ICAM2: variants seen among roughly 807,000 people sequenced by gnomAD.
The protein encoded by ICAM2 is ICAM-2.
In ICAM2, 14 loss-of-function variants were observed where a neutral mutation model predicts 19.1. The ratio of observed to expected loss-of-function variants is 0.73; its 90% CI spans 0.48 to 1.15. The LOEUF (loss-of-function observed/expected upper bound fraction) is 1.15, where lower values mean the gene tolerates loss of function less well. ICAM2 is among the 50% of genes most tolerant of loss of function. The pLI is 0.00. For missense variants in ICAM2, 311 were observed against 355.4 expected (o/e 0.88, Z 1.00); for synonymous variants, 153 against 152.7 (o/e 1.00, Z -0.01).
chr17:64,010,229 G>C (rs1911395820), intron 1 of ICAM2, among the ~76,000 whole-genome samples: 1 of 152,178 alleles, frequency 6.6e-6, no homozygotes, highest in South Asian at 2.1e-4. Flanking sequence ...CACACCTGTT[G>C]GTCCTGTAAC....
intron 1 of ICAM2, among the ~76,000 whole-genome samples, chr17:64,011,866 C>G (rs528522589): frequency 6.6e-6 from 1 of 152,128 alleles, no homozygotes; most frequent in South Asian, 2.1e-4. Context: ...GGAGGCTCCT[C>G]AAAAAATTAA....
chr17:64,004,091 C>T, intron 3 of ICAM2, 127 bp from the exon 4 acceptor site: 1 of 687,398 alleles, frequency 1.5e-6, no homozygotes, highest in South Asian at 1.9e-5. Context: ...CTGGCCGGCT[C>T]CAGTGCAGAG....
intron 1 of ICAM2, among the ~76,000 whole-genome samples, chr17:64,010,268 G>A (rs546328068): frequency 1.3e-5 from 2 of 152,360 alleles, no homozygotes; most frequent in South Asian, 4.1e-4. Flanking sequence ...TGACCATGAT[G>A]TAGAAGAGAG....
At chr17:64,003,522 G>A (rs1390082213) in intron 4 of ICAM2, 122 bp downstream of exon 4, 3 of 860,932 alleles carry the variant, frequency 3.5e-6, no homozygotes, top group Non-Finnish European at 5.6e-6. Context: ...TAAGAGGGAA[G>A]CCTCAGGATG....
At chr17:64,010,926 T>C (rs1438291723) in intron 1 of ICAM2, among the ~76,000 whole-genome samples, 1 of 152,084 alleles carries the variant, frequency 6.6e-6, no homozygotes, top group East Asian at 1.9e-4. Context: ...TTTTAAGTTA[T>C]ATAAGGAATG....
Position 64,003,851 on chromosome 17 carries a change from A to T in ICAM2, c.442T>A (p.Phe148Ile), listed in dbSNP as rs1364008591. Residue 148 changes from phenylalanine to isoleucine, a missense_variant, in exon 4 of 5, where the codon TTC (phenylalanine) becomes ATC (isoleucine). By Grantham distance (21) the Phe-to-Ile change is conservative. Coordinates refer to ENST00000579788, the MANE Select transcript of ICAM2 (RefSeq NM_001099789.2). ...TVEPLDSLTL[F>I]LFRGNETLHY... Reference sequence around the variant, plus strand: ...AGAGTCTCATTGCCACGGAACAGGAAGAGGGTGAGGCTGTCCAGGGGCTCC... The same window carrying T: ...AGAGTCTCATTGCCACGGAACAGGATGAGGGTGAGGCTGTCCAGGGGCTCC... 1 of 1,614,232 alleles carries T rather than the reference A, an allele frequency of 6.2e-7. No homozygotes were observed. The highest frequency in any genetic ancestry group is 8.5e-7 in the Non-Finnish European group (1 of 1,180,050).
chr17:64,008,218 C>T (rs960280281), intron 1 of ICAM2, among the ~76,000 whole-genome samples: 2 of 152,192 alleles, frequency 1.3e-5, no homozygotes, highest in African/African-American at 2.4e-5. Context: ...GAGGCAGGGC[C>T]TGGGGCCAGC....
intron 1 of ICAM2, among the ~76,000 whole-genome samples, chr17:64,008,645 T>C (rs1911317359): frequency 2.0e-5 from 3 of 152,120 alleles, no homozygotes; most frequent in Admixed American, 2.0e-4. Context: ...TAGCCTGCCA[T>C]GGTGACTGTT....
chr17:64,020,041 G>C (rs541538361), intron 1 of ICAM2, among the ~76,000 whole-genome samples: 1 of 152,180 alleles, frequency 6.6e-6, no homozygotes, highest in East Asian at 1.9e-4. Context: ...GGCTTCATGG[G>C]AATGTGAGCC....
chr17:64,002,994 G>T, intron 4 of ICAM2, 69 bp from the exon 5 acceptor site: 1 of 1,481,330 alleles, frequency 6.8e-7, no homozygotes. Context: ...AAAGGGAGTG[G>T]AAGTCCACCC....
At chr17:64,014,846 C>T (rs975037196) in intron 1 of ICAM2, among the ~76,000 whole-genome samples, 6 of 151,972 alleles carry the variant, frequency 3.9e-5, no homozygotes, top group Non-Finnish European at 7.4e-5. Context: ...GAGGCCAAGG[C>T]GGAAGGATCA....
intron 1 of ICAM2, among the ~76,000 whole-genome samples, chr17:64,017,712 G>A (rs1911769464): frequency 6.6e-6 from 1 of 152,174 alleles, no homozygotes; most frequent in Non-Finnish European, 1.5e-5. Context: ...GTTAGCGTAG[G>A]TATAGGCAAA....
intron 1 of ICAM2, among the ~76,000 whole-genome samples, chr17:64,017,979 T>C (rs571355434): frequency 6.6e-6 from 1 of 152,272 alleles, no homozygotes; most frequent in Middle Eastern, 3.4e-3. Flanking sequence ...TAGGAGAGTA[T>C]TTCCATATCC....
chr17:64,014,376 A>AAAGAAAGAAAGGAAGGAAGGAAGG, intron 1 of ICAM2, among the ~76,000 whole-genome samples: 1 of 55,422 alleles, frequency 1.8e-5, no homozygotes, highest in African/African-American at 6.1e-5. Context: ...AGAAAGAAAG[A>AAAGAAAGAAAGGAAGGAAGGAAGG]AAGGAAGGAA....
Position 64,006,571 on chromosome 17 carries a change from G to A in ICAM2, c.61+60C>T, listed in dbSNP as rs577923034. On this transcript the variant is annotated intron_variant, in intron 2 of 4. Transcript: ENST00000579788. Reference sequence around the variant, plus strand: ...TTCCACCTGAAGCCACAGGGAACAGGGCACCCCCACCCTCTCGGCTGGCAT... The same window carrying A: ...TTCCACCTGAAGCCACAGGGAACAGAGCACCCCCACCCTCTCGGCTGGCAT... 2.8e-4 allele frequency: 418 copies of A among 1,482,392 alleles called. 3 individuals carry two copies. The highest frequency in any genetic ancestry group is 6.9e-4 in the Middle Eastern group (4 of 5,788). 91.8% of individuals were successfully genotyped at this position (1,482,392 alleles called of 1,614,324 possible).
chr17:64,018,649 C>G (rs971247040), intron 1 of ICAM2, among the ~76,000 whole-genome samples: 3 of 148,102 alleles, frequency 2.0e-5, no homozygotes, highest in African/African-American at 7.5e-5. Context: ...CAGTTCCATT[C>G]TTAGATGTAT....
intron 1 of ICAM2, among the ~76,000 whole-genome samples, chr17:64,010,726 T>C (rs78596709): frequency 0.011 from 1,729 of 151,922 alleles, 38 homozygotes; most frequent in African/African-American, 0.039. Flanking sequence ...GGCAAGAAAA[T>C]AAAATGGCAA....
intron 2 of ICAM2, chr17:64,006,267 C>CAGCA (rs1196760874): frequency 5.0e-6 from 1 of 199,830 alleles, no homozygotes; most frequent in Non-Finnish European, 1.0e-5. Context: ...CCTGTAATCC[C>CAGCA]AGCACTTTGG....
intron 2 of ICAM2, 83 bp from the exon 3 acceptor site, chr17:64,005,456 C>T: frequency 6.7e-7 from 1 of 1,489,262 alleles, no homozygotes; most frequent in Non-Finnish European, 9.1e-7. Flanking sequence ...GGCAGTCTGG[C>T]TCCTGGGTCA....
Sources: allele counts gnomAD v4.1 joint callset (sites outside exome capture counted in the v4.1 genomes callset), GRCh38; gene constraint gnomAD v4.1.1; transcripts MANE v1.5; gene names NCBI Gene and HGNC (gene_info 2026-07-23, HGNC 2026-07-21).